CSMD1: variants seen among roughly 807,000 people sequenced by gnomAD.
CSMD1 encodes CUB and Sushi multiple domains 1.
Under a neutral mutation model 417.5 loss-of-function variants are expected in CSMD1, and 213 were observed. That is an observed-to-expected ratio of 0.51 (90% CI 0.46 to 0.57). The LOEUF is 0.57. Among genes scored for constraint, CSMD1 ranks in the 20% least tolerant of loss-of-function variants. CSMD1 has a pLI of 0.00. For missense variants in CSMD1, 6,923 were observed against 4,529.7 expected (o/e 1.53, Z -15.17); for synonymous variants, 2,862 against 1,736.8 (o/e 1.65, Z -16.11).
intron 4 of CSMD1, among the ~76,000 whole-genome samples, chr8:4,028,126 G>A (rs916433033): frequency 6.6e-6 from 1 of 151,974 alleles, no homozygotes; most frequent in South Asian, 2.1e-4. Flanking sequence ...ATAAACTTCA[G>A]GAACATGAAG....
At chr8:4,913,521 G>A (rs575329941) in intron 1 of CSMD1, among the ~76,000 whole-genome samples, 3 of 152,132 alleles carry the variant, frequency 2.0e-5, no homozygotes, top group Non-Finnish European at 4.4e-5. Flanking sequence ...ATTTTAAACA[G>A]AAGCCCTGCC....
At chr8:4,098,164 T>C (rs1295121131) in intron 3 of CSMD1, among the ~76,000 whole-genome samples, 3 of 152,182 alleles carry the variant, frequency 2.0e-5, no homozygotes, top group African/African-American at 7.2e-5. Flanking sequence ...TAGAATAACA[T>C]GTTTTGCAGC....
chr8:3,438,942 C>G lies in CSMD1; in HGVS notation c.1562-29337G>C, dbSNP rs537718878. Among the ~76,000 whole-genome samples the G allele has an allele frequency of 3.3e-5, 5 of 150,902 alleles. No homozygotes were observed. The South Asian group carries it at 1.1e-3, about 32-fold the overall frequency. ...ATGAGTCTGGCCAACCTGGTGAAAC[C>G]TCATCTCTACTAAAAATACAAAATT... On this transcript the variant is annotated intron_variant, in intron 12 of 69. Transcript: ENST00000635120.
intron 31 of CSMD1, among the ~76,000 whole-genome samples, chr8:3,204,890 A>C (rs922040980): frequency 6.6e-6 from 1 of 152,206 alleles, no homozygotes; most frequent in Non-Finnish European, 1.5e-5. Flanking sequence ...GTCAAGAGTG[A>C]GAGTGAGCAT....
intron 26 of CSMD1, among the ~76,000 whole-genome samples, chr8:3,233,886 T>G (rs1159917701): frequency 6.6e-6 from 1 of 152,134 alleles, no homozygotes; most frequent in African/African-American, 2.4e-5. Context: ...ATTAACAGCT[T>G]GAGGCATTTT....
chr8:3,403,243 C>T (rs1202857364), intron 15 of CSMD1, among the ~76,000 whole-genome samples: 1 of 152,190 alleles, frequency 6.6e-6, no homozygotes, highest in East Asian at 1.9e-4. Context: ...ATGTGAGCTT[C>T]TTCAAACATT....
intron 10 of CSMD1, among the ~76,000 whole-genome samples, chr8:3,568,922 G>A (rs968756419): frequency 6.6e-6 from 1 of 152,072 alleles, no homozygotes; most frequent in East Asian, 1.9e-4. Context: ...ATAAACTTTT[G>A]AGAGAATTTT....
At chr8:3,095,405 T>C (rs1457209824) in intron 47 of CSMD1, among the ~76,000 whole-genome samples, 1 of 152,058 alleles carries the variant, frequency 6.6e-6, no homozygotes, top group Non-Finnish European at 1.5e-5. Context: ...CTCTACAGAC[T>C]AAAGAAAAAG....
chr8:4,102,451 T>C (rs1801353954), intron 3 of CSMD1, among the ~76,000 whole-genome samples: 1 of 152,174 alleles, frequency 6.6e-6, no homozygotes, highest in African/African-American at 2.4e-5. Context: ...AGAAAGTCCT[T>C]GGTCAGTTTC....
At chr8:3,097,754 G>C (rs1165500842) in intron 46 of CSMD1, among the ~76,000 whole-genome samples, 5 of 152,078 alleles carry the variant, frequency 3.3e-5, no homozygotes, top group Non-Finnish European at 5.9e-5. Flanking sequence ...GGAAAACCTC[G>C]GATCGGGGGT....
At chr8:3,904,166 A>G (rs376596410) in intron 5 of CSMD1, among the ~76,000 whole-genome samples, 1 of 152,122 alleles carries the variant, frequency 6.6e-6, no homozygotes, top group Admixed American at 6.5e-5. Context: ...ACTTTGCTAC[A>G]ATACATGTTT....
intron 5 of CSMD1, among the ~76,000 whole-genome samples, chr8:3,957,623 G>T (rs185681752): frequency 6.6e-5 from 10 of 152,092 alleles, no homozygotes; most frequent in African/African-American, 1.7e-4. Flanking sequence ...GTTCGGGGTT[G>T]CAGTGAACTA....
At chr8:4,296,162 T>C (rs1357513250) in intron 3 of CSMD1, among the ~76,000 whole-genome samples, 1 of 152,108 alleles carries the variant, frequency 6.6e-6, no homozygotes, top group Non-Finnish European at 1.5e-5. Context: ...GGTCAAACTA[T>C]GCTCAGGGTC....
intron 1 of CSMD1, among the ~76,000 whole-genome samples, chr8:4,781,257 T>A (rs918904671): frequency 6.6e-6 from 1 of 152,208 alleles, no homozygotes. Context: ...GATGAGGGAA[T>A]GCCCTCCTGC....
At chr8:4,753,724 A>C (rs1397305822) in intron 1 of CSMD1, among the ~76,000 whole-genome samples, 1 of 152,094 alleles carries the variant, frequency 6.6e-6, no homozygotes, top group Non-Finnish European at 1.5e-5. Flanking sequence ...TACCACCTTC[A>C]AGGCAGAGCT....
chr8:4,652,500 C>A (rs532105992), intron 1 of CSMD1, among the ~76,000 whole-genome samples: 3 of 152,094 alleles, frequency 2.0e-5, no homozygotes, highest in Admixed American at 2.0e-4. Flanking sequence ...CCTGCCGAGA[C>A]AGATTCGCCC....
chr8:4,349,102 G>A (rs944769499), intron 3 of CSMD1, among the ~76,000 whole-genome samples: 4 of 152,202 alleles, frequency 2.6e-5, no homozygotes, highest in African/African-American at 9.6e-5. Context: ...AAAATGAGCT[G>A]AAGTTTGAAG....
chr8:3,030,838 T>G (rs610941), intron 50 of CSMD1, among the ~76,000 whole-genome samples: 83,611 of 151,718 alleles, frequency 0.55, 23,488 homozygotes, highest in Non-Finnish European at 0.58. Context: ...TAACCAAAAT[T>G]TTACAAAAAT....
chr8:4,225,440 G>C (rs1160236144), intron 3 of CSMD1, among the ~76,000 whole-genome samples: 2 of 150,086 alleles, frequency 1.3e-5, no homozygotes, highest in African/African-American at 4.9e-5. Context: ...ATTCTGATGA[G>C]TATTTGTTTA....
Sources: allele counts gnomAD v4.1 joint callset (sites outside exome capture counted in the v4.1 genomes callset), GRCh38; gene constraint gnomAD v4.1.1; transcripts MANE v1.5; gene names NCBI Gene and HGNC (gene_info 2026-07-23, HGNC 2026-07-21).